Variants in RERE observed in about 807,000 individuals in gnomAD.
RERE encodes the protein arginine-glutamic acid dipeptide repeats protein.
RERE carries 40 observed loss-of-function variants against 146.1 expected under a neutral mutation model. That is an observed-to-expected ratio of 0.27 (90% CI 0.21 to 0.36). The LOEUF (loss-of-function observed/expected upper bound fraction) is 0.36. RERE is among the 10% of genes least tolerant of loss of function. The pLI is 1.00. For missense variants in RERE, 1,933 were observed against 2,138.7 expected (o/e 0.90, Z 1.90); for synonymous variants, 1,003 against 866.0 (o/e 1.16, Z -2.78).
chr1:8,387,945 G>A (rs1469812554), intron 12 of RERE, among the ~76,000 whole-genome samples: 1 of 152,192 alleles, frequency 6.6e-6, no homozygotes, highest in Non-Finnish European at 1.5e-5. Flanking sequence ...GCCAGTTGAT[G>A]TGTGCAAGAA....
At chr1:8,478,924 A>T (rs1340397169) in intron 10 of RERE, among the ~76,000 whole-genome samples, 1 of 152,216 alleles carries the variant, frequency 6.6e-6, no homozygotes, top group Non-Finnish European at 1.5e-5. Context: ...TTAATATGGT[A>T]GTTATACATG....
intron 1 of RERE, among the ~76,000 whole-genome samples, chr1:8,664,819 G>C (rs1429645462): frequency 6.6e-6 from 1 of 152,026 alleles, no homozygotes; most frequent in African/African-American, 2.4e-5. Flanking sequence ...ACTTGAATCA[G>C]GTTCTTGATT....
chr1:8,570,090 G>T (rs1646201010), intron 4 of RERE, among the ~76,000 whole-genome samples: 1 of 152,162 alleles, frequency 6.6e-6, no homozygotes, highest in Non-Finnish European at 1.5e-5. Context: ...TGTAATCCCA[G>T]CACTTTGGGA....
intron 1 of RERE, among the ~76,000 whole-genome samples, chr1:8,738,539 T>G (rs1640244178): frequency 6.6e-6 from 1 of 151,972 alleles, no homozygotes; most frequent in African/African-American, 2.4e-5. Flanking sequence ...AACAAGCCTC[T>G]TCCCATTCCC....
At chr1:8,694,601 A>G (rs1008600286) in intron 1 of RERE, among the ~76,000 whole-genome samples, 1 of 152,096 alleles carries the variant, frequency 6.6e-6, no homozygotes, top group African/African-American at 2.4e-5. Flanking sequence ...TCTACTAAAA[A>G]TACAAAAATT....
At chr1:8,739,892 A>G (rs1381958236) in intron 1 of RERE, among the ~76,000 whole-genome samples, 3 of 151,042 alleles carry the variant, frequency 2.0e-5, no homozygotes, top group Non-Finnish European at 4.4e-5. Flanking sequence ...TGTTAATAAT[A>G]GTGTTAATCC....
At chr1:8,642,728 T>C (rs760664900) in intron 2 of RERE, among the ~76,000 whole-genome samples, 8 of 152,200 alleles carry the variant, frequency 5.3e-5, no homozygotes, top group Admixed American at 1.3e-4. Context: ...CTTTAACAAA[T>C]TGAATATCAA....
chr1:8,790,394 A>T (rs1270267144), intron 1 of RERE, among the ~76,000 whole-genome samples: 1 of 152,220 alleles, frequency 6.6e-6, no homozygotes, highest in African/African-American at 2.4e-5. Context: ...TAATAAATCT[A>T]ATCTATTTGA....
chr1:8,537,158 C>T (rs1055122275), intron 7 of RERE, among the ~76,000 whole-genome samples: 8 of 152,178 alleles, frequency 5.3e-5, no homozygotes, highest in African/African-American at 1.9e-4. Flanking sequence ...GAGCCCTGAT[C>T]ACGCCACTAC....
chr1:8,515,723 G>A (rs1218089797), intron 7 of RERE, among the ~76,000 whole-genome samples: 1 of 152,058 alleles, frequency 6.6e-6, no homozygotes. Context: ...TAACAAAGTA[G>A]GTCTAGTCAA....
intron 2 of RERE, among the ~76,000 whole-genome samples, chr1:8,630,008 TTC>T (rs916324136): frequency 3.9e-5 from 6 of 152,166 alleles, no homozygotes; most frequent in African/African-American, 1.4e-4. Context: ...CTCTTCTGCT[TTC>T]TGTTTCTCCT....
chr1:8,774,423 G>A (rs181454726), intron 1 of RERE, among the ~76,000 whole-genome samples: 92 of 138,552 alleles, frequency 6.6e-4, no homozygotes, highest in African/African-American at 2.2e-3. Flanking sequence ...GCGCGATCTC[G>A]GCTCACCCCA....
intron 7 of RERE, among the ~76,000 whole-genome samples, chr1:8,508,937 CAG>C (rs1206679684): frequency 4.6e-5 from 7 of 151,986 alleles, no homozygotes; most frequent in African/African-American, 9.7e-5. Context: ...TTTTTTGAGA[CAG>C]AGTCTCACTC....
chr1:8,672,764 G>A (rs768053734), intron 1 of RERE, among the ~76,000 whole-genome samples: 1 of 152,112 alleles, frequency 6.6e-6, no homozygotes, highest in African/African-American at 2.4e-5. Context: ...CAATCTTATT[G>A]TAACTTCACA....
intron 10 of RERE, among the ~76,000 whole-genome samples, chr1:8,475,985 G>T (rs761425393): frequency 2.6e-5 from 4 of 152,204 alleles, no homozygotes; most frequent in Non-Finnish European, 4.4e-5. Flanking sequence ...GGTAGGGCTT[G>T]AGAGAAAGGT....
intron 1 of RERE, chr1:8,798,834 G>A (rs1641531852): frequency 6.6e-6 from 1 of 151,152 alleles, no homozygotes; most frequent in Non-Finnish European, 1.5e-5. Flanking sequence ...TGGGATTACA[G>A]ACGTGCATCA....
chr1:8,699,913 C>A (rs918757140), intron 1 of RERE, among the ~76,000 whole-genome samples: 1 of 152,160 alleles, frequency 6.6e-6, no homozygotes, highest in East Asian at 1.9e-4. Flanking sequence ...TATCAGCAAA[C>A]TGGGCCTCTG....
At chr1:8,401,944 C>A (rs1045273218) in intron 12 of RERE, among the ~76,000 whole-genome samples, 3 of 152,070 alleles carry the variant, frequency 2.0e-5, no homozygotes, top group African/African-American at 7.2e-5. Flanking sequence ...CGGCTCACTG[C>A]AACCTCCACC....
At position 8,656,158 on chromosome 1, in the gene RERE, G is replaced by A. The variant is rs1349353773; in HGVS notation, c.140C>T (p.Ala47Val). ...GTGATCACTCTCAGCATAATTTTTG[G>A]CTCCTCCTTCCAAGGTACAGCTCCG... ...PRRSCTLEGGAKNYAESDHSE... is the reference protein window; with the variant it reads ...PRRSCTLEGGVKNYAESDHSE... The change falls in exon 2 of 23, where the codon GCC becomes GTC. Residue 47 changes from alanine (A) to valine (V), a missense_variant. Physicochemically the swap from Ala to Val is moderately conservative, Grantham distance 64. Around this residue, in one of 11 missense-constraint regions of RERE, gnomAD observed 107 missense variants for 119.7 expected, o/e 0.89. Transcript: ENST00000400908. The A allele has an allele frequency of 5.0e-6, 8 of 1,613,652 alleles. No individual in the cohort carries two copies. Among genetic ancestry groups the A allele is most frequent in the Non-Finnish European group, 6.8e-6 (8 of 1,179,818 alleles).
Sources: gnomAD v4.1 joint callset for allele counts (sites outside exome capture counted in the v4.1 genomes callset) on GRCh38, gnomAD v4.1.1 for gene constraint, gnomAD v4.1.1 regional missense constraint, MANE v1.5 for transcripts, NCBI Gene and HGNC (gene_info 2026-07-23, HGNC 2026-07-21) for gene names.